Variants in AGBL4 observed in about 807,000 individuals in gnomAD.
The protein encoded by AGBL4 is AGBL carboxypeptidase 4.
Under a neutral mutation model 66.4 loss-of-function variants are expected in AGBL4, and 58 were observed. That is an observed-to-expected ratio of 0.87 (90% CI 0.71 to 1.09). The LOEUF (loss-of-function observed/expected upper bound fraction) is 1.09. AGBL4 is among the 50% of genes least tolerant of loss of function. The pLI, the probability that AGBL4 is intolerant of heterozygous loss-of-function variation, is 0.00. For missense variants in AGBL4, 579 were observed against 631.0 expected (o/e 0.92, Z 0.88); for synonymous variants, 234 against 222.9 (o/e 1.05, Z -0.44).
At chr1:48,913,979 G>A (rs1246722574) in intron 5 of AGBL4, among the ~76,000 whole-genome samples, 1 of 152,156 alleles carries the variant, frequency 6.6e-6, no homozygotes, top group East Asian at 1.9e-4. Flanking sequence ...TCAGGTGCCT[G>A]AGATATCACA....
At chr1:49,782,437 T>C (rs950945209) in intron 2 of AGBL4, among the ~76,000 whole-genome samples, 2 of 152,180 alleles carry the variant, frequency 1.3e-5, no homozygotes, top group African/African-American at 4.8e-5. Flanking sequence ...AATGCATCTA[T>C]AGATGATAAA....
At chr1:49,555,519 T>TTG in intron 3 of AGBL4, among the ~76,000 whole-genome samples, 1 of 147,002 alleles carries the variant, frequency 6.8e-6, no homozygotes, top group African/African-American at 2.5e-5. Context: ...GCTAAAGGCT[T>TTG]GTAAATGCAC....
intron 5 of AGBL4, among the ~76,000 whole-genome samples, chr1:48,930,619 G>A (rs139363099): frequency 7.2e-5 from 11 of 152,246 alleles, no homozygotes; most frequent in African/African-American, 2.6e-4. Flanking sequence ...TTCCATTTCT[G>A]AGCCTCAAAT....
At chr1:49,331,672 C>T (rs1236993532) in intron 3 of AGBL4, among the ~76,000 whole-genome samples, 3 of 150,238 alleles carry the variant, frequency 2.0e-5, no homozygotes, top group East Asian at 2.0e-4. Flanking sequence ...ACGGAGAGCC[C>T]GGCGGGAGAG....
intron 1 of AGBL4, among the ~76,000 whole-genome samples, chr1:49,865,167 A>C (rs761066429): frequency 6.6e-6 from 1 of 152,172 alleles, no homozygotes; most frequent in Non-Finnish European, 1.5e-5. Flanking sequence ...AGAGGACTTA[A>C]GTATTTCCCC....
At chr1:48,728,037 A>AAAC in intron 6 of AGBL4, 1 of 1,605,438 alleles carries the variant, frequency 6.2e-7, no homozygotes. Context: ...TCTGTCATAC[A>AAAC]AACACTCTAG....
chr1:49,302,608 TTTTTATTTTATTTTATTTTA>T (rs1167039507), intron 3 of AGBL4, among the ~76,000 whole-genome samples: 1,532 of 110,098 alleles, frequency 0.014, 31 homozygotes, highest in African/African-American at 0.045. Context: ...TTATTTTATT[TTTTTATTTTATTTTATTTTA>T]TTTTATTTTA....
intron 2 of AGBL4, among the ~76,000 whole-genome samples, chr1:49,743,890 A>G (rs1650766087): frequency 8.5e-6 from 1 of 117,246 alleles, no homozygotes; most frequent in Non-Finnish European, 1.6e-5. Flanking sequence ...AACATCACAC[A>G]CCAGGACCTA....
At chr1:49,125,611 A>G (rs1645748908) in intron 4 of AGBL4, among the ~76,000 whole-genome samples, 1 of 152,206 alleles carries the variant, frequency 6.6e-6, no homozygotes, top group South Asian at 2.1e-4. Flanking sequence ...AAAAACTAAT[A>G]AAATATTATA....
intron 4 of AGBL4, among the ~76,000 whole-genome samples, chr1:49,150,073 C>G (rs769658243): frequency 4.6e-5 from 7 of 152,050 alleles, no homozygotes; most frequent in Non-Finnish European, 7.4e-5. Flanking sequence ...AATTTTTAAT[C>G]AAACTGTTTA....
chr1:49,074,229 G>A (rs946549105), intron 4 of AGBL4, among the ~76,000 whole-genome samples: 68 of 152,182 alleles, frequency 4.5e-4, no homozygotes, highest in African/African-American at 1.5e-3. Flanking sequence ...CTGGTCTGCC[G>A]GTTGCAAAGA....
At chr1:48,863,970 C>T (rs936238629) in intron 6 of AGBL4, among the ~76,000 whole-genome samples, 32 of 151,906 alleles carry the variant, frequency 2.1e-4, no homozygotes, top group Non-Finnish European at 4.4e-4. Context: ...TTTAAAACCT[C>T]GCATATATCA....
intron 6 of AGBL4, among the ~76,000 whole-genome samples, chr1:48,693,481 G>A (rs984658030): frequency 2.6e-5 from 4 of 152,082 alleles, no homozygotes; most frequent in East Asian, 1.9e-4. Flanking sequence ...CTGACCTGTC[G>A]GCTGACTCCA....
chr1:49,948,540 T>TAA (rs1655744397), intron 1 of AGBL4, among the ~76,000 whole-genome samples: 4 of 114,354 alleles, frequency 3.5e-5, no homozygotes, highest in Non-Finnish European at 7.1e-5. Context: ...TATATAAATA[T>TAA]ATAAATATAT....
intron 4 of AGBL4, among the ~76,000 whole-genome samples, chr1:49,065,348 T>A (rs1644473744): frequency 1.3e-5 from 2 of 152,228 alleles, no homozygotes; most frequent in Non-Finnish European, 2.9e-5. Context: ...GGCTTCAAAC[T>A]GAATTTTGAC....
intron 2 of AGBL4, among the ~76,000 whole-genome samples, chr1:49,851,125 A>C (rs1026830782): frequency 6.6e-6 from 1 of 152,144 alleles, no homozygotes; most frequent in Non-Finnish European, 1.5e-5. Flanking sequence ...TATTCCAAAA[A>C]AATAATATCT....
At chr1:49,448,333 T>C (rs1461510532) in intron 3 of AGBL4, among the ~76,000 whole-genome samples, 1 of 152,174 alleles carries the variant, frequency 6.6e-6, no homozygotes, top group Non-Finnish European at 1.5e-5. Context: ...TGTGTTTATG[T>C]TGGCTTCCTT....
At chr1:49,363,300 T>A (rs1384376202) in intron 3 of AGBL4, among the ~76,000 whole-genome samples, 1 of 152,204 alleles carries the variant, frequency 6.6e-6, no homozygotes, top group African/African-American at 2.4e-5. Flanking sequence ...TGATGTCACA[T>A]GGGCCTTGTC....
intron 8 of AGBL4, among the ~76,000 whole-genome samples, chr1:48,651,813 GAGTT>G (rs1229527607): frequency 7.2e-5 from 11 of 152,198 alleles, no homozygotes; most frequent in African/African-American, 2.4e-4. Context: ...GTTCCAGTCT[GAGTT>G]AGGCCACGGA....
Sources: gnomAD v4.1 joint callset for allele counts (sites outside exome capture counted in the v4.1 genomes callset) on GRCh38, gnomAD v4.1.1 for gene constraint, MANE v1.5 for transcripts, NCBI Gene and HGNC (gene_info 2026-07-23, HGNC 2026-07-21) for gene names.